NUP62CL: variants seen among roughly 807,000 people sequenced by gnomAD.
NUP62CL encodes nucleoporin 62 C-terminal like, also known as nucleoporin-62 C-terminal-like protein.
A neutral mutation model predicts 15.3 loss-of-function variants in NUP62CL; 13 were observed. That is an observed-to-expected ratio of 0.85 (90% CI 0.55 to 1.35). The LOEUF is 1.35. Ranked by LOEUF, NUP62CL falls within the 40% of genes most tolerant of loss-of-function variation. The pLI is 0.00. For synonymous variants in NUP62CL, 54 were observed against 49.2 expected, an observed-to-expected ratio of 1.10 and a Z score of -0.41; for missense variants, 123 against 130.6, an observed-to-expected ratio of 0.94 and a Z score of 0.28.
At chrX:107,146,270 T>C (rs1490925641) in intron 8 of NUP62CL, among the ~76,000 whole-genome samples, 1 of 111,710 alleles carries the variant, frequency 9.0e-6, no homozygotes, top group Non-Finnish European at 1.9e-5. Flanking sequence ...AACTCAATGG[T>C]TTTAGCATTC....
At chrX:107,140,948 A>T (rs1440484025) in intron 8 of NUP62CL, among the ~76,000 whole-genome samples, 1 of 112,090 alleles carries the variant, frequency 8.9e-6, no homozygotes, top group African/African-American at 3.2e-5. Flanking sequence ...ACAGAAATAA[A>T]ATTACTTTGG....
intron 1 of NUP62CL, among the ~76,000 whole-genome samples, chrX:107,194,183 G>C (rs908188882): frequency 9.0e-6 from 1 of 111,319 alleles, no homozygotes; most frequent in Non-Finnish European, 1.9e-5. Flanking sequence ...TCAAAGAGTT[G>C]ATAAGTGAAT....
At chrX:107,134,458 A>T (rs1209575441) in intron 8 of NUP62CL, among the ~76,000 whole-genome samples, 1 of 111,898 alleles carries the variant, frequency 8.9e-6, no homozygotes, top group Admixed American at 9.4e-5. Flanking sequence ...TTCTAGGATG[A>T]ATAATTTTTT....
At chrX:107,204,216 T>A (rs1927555453) in intron 1 of NUP62CL, among the ~76,000 whole-genome samples, 1 of 111,295 alleles carries the variant, frequency 9.0e-6, no homozygotes, top group Non-Finnish European at 1.9e-5. Context: ...AGATTGCGGC[T>A]GCTATCAAGG....
At chrX:107,177,076 TAAAA>T (rs957706908) in intron 2 of NUP62CL, among the ~76,000 whole-genome samples, 2 of 110,790 alleles carry the variant, frequency 1.8e-5, no homozygotes, top group Non-Finnish European at 3.8e-5. Flanking sequence ...TTCTAAGAAA[TAAAA>T]AAAATCTACT....
At chrX:107,151,182 T>G (rs1925999948) in intron 7 of NUP62CL, among the ~76,000 whole-genome samples, 1 of 111,366 alleles carries the variant, frequency 9.0e-6, no homozygotes, top group African/African-American at 3.3e-5. Context: ...TGAGAAGACT[T>G]TTATCTACCT....
rs890297621 is a variant in NUP62CL at position 107,186,130 on chromosome X, A to G, written c.-48+6899T>C. 4.5e-5 allele frequency among the ~76,000 whole-genome samples: 5 copies of G among 111,679 alleles called. 1 individual carries two copies. The highest frequency in any genetic ancestry group is 9.4e-5 in the Non-Finnish European group (5 of 53,131). On this transcript the variant is annotated intron_variant, in intron 2 of 8. Coordinates refer to ENST00000372466, the MANE Select transcript of NUP62CL (RefSeq NM_017681.3). ...TCACTATTACACAGTTAGAGAGTTC[A>G]ATACCCGTCTCTTACCAACTGATAG... is the stretch of plus-strand genomic sequence containing the variant.
At chrX:107,161,684 G>A (rs1465650801) in intron 4 of NUP62CL, among the ~76,000 whole-genome samples, 1 of 76,131 alleles carries the variant, frequency 1.3e-5, no homozygotes, top group Non-Finnish European at 2.4e-5. Flanking sequence ...TAGATGATGA[G>A]TTAGTGGGTG....
chrX:107,148,268 T>C (rs1358846331), intron 7 of NUP62CL, among the ~76,000 whole-genome samples: 1 of 111,952 alleles, frequency 8.9e-6, no homozygotes, highest in East Asian at 2.8e-4. Context: ...ATTTTTATGA[T>C]ACATATCAAA....
chrX:107,199,581 T>G (rs1042622661), intron 1 of NUP62CL, among the ~76,000 whole-genome samples: 3 of 112,262 alleles, frequency 2.7e-5, no homozygotes, highest in Admixed American at 9.4e-5. Flanking sequence ...GCAAATAGAC[T>G]ATTCTTCTTT....
chrX:107,135,295 A>G (rs1925614376), intron 8 of NUP62CL, among the ~76,000 whole-genome samples: 1 of 112,166 alleles, frequency 8.9e-6, no homozygotes, highest in East Asian at 2.8e-4. Context: ...AAAAGAAAAA[A>G]GAAAATAACA....
intron 2 of NUP62CL, 99 bp downstream of exon 2, chrX:107,192,930 C>G (rs1288493612): frequency 9.0e-6 from 1 of 111,633 alleles, no homozygotes; most frequent in African/African-American, 3.3e-5. Flanking sequence ...GTTGGGACAA[C>G]ACCCTCAAAT....
At chrX:107,129,003 G>A (rs1022211701) in intron 8 of NUP62CL, among the ~76,000 whole-genome samples, 5 of 111,497 alleles carry the variant, frequency 4.5e-5, no homozygotes, top group African/African-American at 9.8e-5. Flanking sequence ...AAGACTAGGC[G>A]GAGGAGACCA....
chrX:107,175,193 C>T lies in NUP62CL; in HGVS notation c.-47G>A. 1 of 962,357 alleles carries T rather than the reference C, an allele frequency of 1.0e-6. No individual in the cohort carries two copies. The highest frequency in any genetic ancestry group is 1.4e-6 in the Non-Finnish European group (1 of 693,004). The allele number at this position is 962,357 out of a possible 1,213,427, so 79.3% of individuals were successfully genotyped here. ...GGCAACAGCAGCTGCTGGAGCCAAA[C>T]CTAAAAATCAAAGTAACAAACAGAA... is the stretch of plus-strand genomic sequence containing the variant. On this transcript the variant is annotated splice_region_variant and 5_prime_UTR_variant, in exon 3 of 9. Coordinates refer to ENST00000372466, the MANE Select transcript of NUP62CL (RefSeq NM_017681.3).
In NUP62CL at chrX:107,149,307, A is replaced by G. The variant is rs758379242; in HGVS notation, c.531-1498T>C. 2.7e-5 allele frequency among the ~76,000 whole-genome samples: 3 copies of G among 112,645 alleles called. No individual in the cohort carries two copies. In the South Asian group the frequency reaches 1.1e-3, roughly 41 times the overall value. ...TATGCACCAAAATTCTATTACAACA[A>G]AACAATTTTGAATTTTGGAATTACA... On this transcript the variant is annotated intron_variant, in intron 7 of 8. Transcript: ENST00000372466.
chrX:107,196,428 T>TTTTG lies in NUP62CL; in HGVS notation c.-91-3360_-91-3357dup, dbSNP rs1374620939. On this transcript the variant is annotated intron_variant, in intron 1 of 8. Transcript: ENST00000372466. Reference sequence around the variant, plus strand: ...CATTGCTTTTTCCTTTATATATTTCTTTTGTTTGTTTGTTTGTTTTGAGAT... The same window carrying TTTTG: ...CATTGCTTTTTCCTTTATATATTTCTTTTGTTTGTTTGTTTGTTTGTTTTGAGAT... Among the ~76,000 whole-genome samples, 3 of 111,510 alleles carry TTTTG rather than the reference T, an allele frequency of 2.7e-5. No individual in the cohort carries two copies. The Admixed American group carries it at 2.9e-4, about 11-fold the overall frequency.
At chrX:107,162,020 C>T (rs991034145) in intron 4 of NUP62CL, among the ~76,000 whole-genome samples, 2 of 108,968 alleles carry the variant, frequency 1.8e-5, no homozygotes, top group Non-Finnish European at 3.8e-5. Context: ...AACAGAAAAT[C>T]TCAGCAAAGA....
intron 8 of NUP62CL, among the ~76,000 whole-genome samples, chrX:107,135,611 T>C (rs1282394018): frequency 2.7e-5 from 3 of 111,566 alleles, no homozygotes; most frequent in African/African-American, 9.8e-5. Context: ...GGAAACCTAC[T>C]AGGCAAGGTA....
intron 8 of NUP62CL, among the ~76,000 whole-genome samples, chrX:107,141,627 A>G (rs1236243978): frequency 6.2e-5 from 7 of 112,079 alleles, no homozygotes; most frequent in Non-Finnish European, 1.3e-4. Flanking sequence ...AAATGAAACA[A>G]CCTTGCTCAG....
Sources: allele counts gnomAD v4.1 joint callset (sites outside exome capture counted in the v4.1 genomes callset), GRCh38; gene constraint gnomAD v4.1.1; transcripts MANE v1.5; gene names NCBI Gene and HGNC (gene_info 2026-07-23, HGNC 2026-07-21).